The following ZBTB25 variants were observed in gnomAD, a reference collection of about 807,000 sequenced individuals.
ZBTB25 encodes the protein zinc finger and BTB domain-containing protein 25.
ZBTB25 carries 20 observed loss-of-function variants against 34.2 expected under a neutral mutation model. The ratio of observed to expected loss-of-function variants is 0.58; its 90% confidence interval spans 0.41 to 0.85. The LOEUF is 0.85. Among genes scored for constraint, ZBTB25 ranks in the 40% least tolerant of loss-of-function variants. The probability of loss-of-function intolerance (pLI) is 0.00; values close to 1 mark genes in which losing one functional copy is unlikely to be tolerated. For missense variants in ZBTB25, 437 were observed against 521.8 expected (o/e 0.84, Z 1.58); for synonymous variants, 175 against 186.4 (o/e 0.94, Z 0.50).
intron 2 of ZBTB25, chr14:64,453,689 T>C (rs775615790): frequency 1.1e-6 from 1 of 940,726 alleles, no homozygotes; most frequent in South Asian, 1.4e-5. Flanking sequence ...AATGTGGCTA[T>C]GTCCTGGTTA....
Position 64,479,515 on chromosome 14 carries a change from G to A in ZBTB25, c.*7408C>T, listed in dbSNP as rs2078754872. The A allele has an allele frequency of 6.6e-6, 1 of 152,306 alleles. No homozygotes were observed. Among genetic ancestry groups the A allele is most frequent in the Non-Finnish European group, 1.5e-5 (1 of 68,092 alleles). The allele number at this position is 152,306 out of a possible 1,614,324, so 9.4% of individuals were successfully genotyped here. A position where few individuals can be genotyped will look rare whatever the true frequency, so the allele number is the denominator to read the frequency against. On this transcript the variant is annotated 3_prime_UTR_variant, in exon 3 of 3. Transcript: ENST00000608382. ...CAAACATTATTCTGGGTGTGTCCGT[G>A]AGGGTGTTCTGGAGGGAGACAAAAT... is the stretch of plus-strand genomic sequence containing the variant.
rs947695461 is a variant in ZBTB25, at chr14:64,502,587, C to A, written c.-8+1074G>T. 18 of 973,482 alleles carry A rather than the reference C, an allele frequency of 1.8e-5. No individual in the cohort carries two copies. The South Asian group carries it at 7.6e-4, about 41-fold the overall frequency. The allele number at this position is 973,482 out of a possible 1,614,324, so 60.3% of individuals were successfully genotyped here. A position where few individuals can be genotyped will look rare whatever the true frequency, so the allele number is the denominator to read the frequency against. ...GGCCTACCTCACCTAGAAATACCATCAAACCCACACAGTGGCCATGCCTGA... is the reference window on the plus strand; with the variant it reads ...GGCCTACCTCACCTAGAAATACCATAAAACCCACACAGTGGCCATGCCTGA... On this transcript the variant is annotated intron_variant, in intron 1 of 2. Coordinates refer to ENST00000608382, the MANE Select transcript of ZBTB25 (RefSeq NM_006977.5).
chr14:64,490,583 T>C, intron 1 of ZBTB25, 43 bp from the exon 2 acceptor site: 2 of 1,444,996 alleles, frequency 1.4e-6, no homozygotes, highest in Non-Finnish European at 1.8e-6. Context: ...TGTGTATGTA[T>C]ATACGCATTA....
chr14:64,484,830 C>T lies in ZBTB25; in HGVS notation c.*2093G>A, dbSNP rs1241958225. ...TTAACTAGCCTAAAATACAAAAAAT[C>T]AATGTTAATACTTGTGTTCTTCCAA... On this transcript the variant is annotated 3_prime_UTR_variant, in exon 3 of 3. Transcript: ENST00000608382. 1 of 182,562 alleles carries T rather than the reference C, an allele frequency of 5.5e-6. No individual in the cohort carries two copies. Among genetic ancestry groups the T allele is most frequent in the Non-Finnish European group, 1.0e-5 (1 of 96,060 alleles). 11.3% of individuals were successfully genotyped at this position (182,562 alleles called of 1,614,324 possible).
chr14:64,501,554 A>G (rs1392710061), intron 1 of ZBTB25, among the ~76,000 whole-genome samples: 1 of 152,266 alleles, frequency 6.6e-6, no homozygotes, highest in Non-Finnish European at 1.5e-5. Context: ...ACTTATCAAG[A>G]TAAGAGCACC....
chr14:64,499,509 T>A (rs1478851352), intron 1 of ZBTB25: 5 of 150,928 alleles, frequency 3.3e-5, no homozygotes, highest in African/African-American at 7.3e-5. Flanking sequence ...GAGGTTGTGG[T>A]GAGCTGAGAT....
At chr14:64,458,138 C>T in intron 2 of ZBTB25, 5 of 1,157,856 alleles carry the variant, frequency 4.3e-6, no homozygotes, top group Non-Finnish European at 5.2e-6. Context: ...TGATCCTCTC[C>T]ACCTCAGCCT....
chr14:64,465,369 G>C (rs868603489), intron 2 of ZBTB25: 11 of 152,022 alleles, frequency 7.2e-5, no homozygotes, highest in African/African-American at 1.9e-4. Flanking sequence ...GGTGGGTCCC[G>C]GCGCCCGCGC....
rs1036355457 is a variant in ZBTB25 at position 64,485,083 on chromosome 14, A to G, written c.*1840T>C. The G allele has an allele frequency of 3.0e-6, 3 of 985,488 alleles. No homozygotes were observed. Among genetic ancestry groups the G allele is most frequent in the Non-Finnish European group, 3.6e-6 (3 of 829,954 alleles). The allele number at this position is 985,488 out of a possible 1,614,324, so 61.0% of individuals were successfully genotyped here. On this transcript the variant is annotated 3_prime_UTR_variant, in exon 3 of 3. Coordinates refer to ENST00000608382, the MANE Select transcript of ZBTB25 (RefSeq NM_006977.5). ...AGGCAGAAACTCAACTGCCTTACAC[A>G]ATATCCAGTAGCTTTCTTCATTCAA...
chr14:64,504,261 CGG>C (rs200908965), upstream of ZBTB25, among the ~76,000 whole-genome samples: 1 of 101,174 alleles, frequency 9.9e-6, no homozygotes, highest in Non-Finnish European at 2.1e-5. Flanking sequence ...AAGGTGGGGT[CGG>C]GGGGGCGCGG....
At chr14:64,451,249 T>C (rs1379285926) in intron 2 of ZBTB25, among the ~76,000 whole-genome samples, 1 of 152,190 alleles carries the variant, frequency 6.6e-6, no homozygotes, top group African/African-American at 2.4e-5. Flanking sequence ...CTCGAACTCC[T>C]GGGTTCAAGT....
At chr14:64,463,079 T>C (rs2078571166) in intron 2 of ZBTB25, 1 of 152,192 alleles carries the variant, frequency 6.6e-6, no homozygotes, top group Non-Finnish European at 1.5e-5. Flanking sequence ...CAGAAATACA[T>C]TTATAGCCTA....
At chr14:64,502,318 C>T (rs1418085305) in intron 1 of ZBTB25, among the ~76,000 whole-genome samples, 1 of 152,202 alleles carries the variant, frequency 6.6e-6, no homozygotes, top group Non-Finnish European at 1.5e-5. Flanking sequence ...CACTGACTGC[C>T]AGCTCTCAGA....
chr14:64,464,256 C>G (rs2078587299), intron 2 of ZBTB25, among the ~76,000 whole-genome samples: 1 of 141,834 alleles, frequency 7.1e-6, no homozygotes, highest in Non-Finnish European at 1.6e-5. Context: ...GTCTCAAACT[C>G]TTGGACTCAA....
chr14:64,459,633 G>T, intron 2 of ZBTB25: 1 of 753,380 alleles, frequency 1.3e-6, no homozygotes, highest in Non-Finnish European at 2.1e-6. Flanking sequence ...AAGAGCTGGT[G>T]GCAGGAAAGG....
intron 2 of ZBTB25, chr14:64,470,270 G>A (rs867670806): frequency 6.0e-6 from 1 of 167,064 alleles, no homozygotes; most frequent in African/African-American, 2.4e-5. Context: ...TTAAACGTGA[G>A]TGGTTTCCTA....
chr14:64,469,773 T>C, intron 2 of ZBTB25: 1 of 905,916 alleles, frequency 1.1e-6, no homozygotes, highest in Admixed American at 2.9e-5. Context: ...ATGAGAGATT[T>C]ATCATCTCTA....
chr14:64,488,960 A>G (rs1444001392), intron 2 of ZBTB25, among the ~76,000 whole-genome samples: 1 of 152,238 alleles, frequency 6.6e-6, no homozygotes, highest in Non-Finnish European at 1.5e-5. Context: ...GAACCTATTG[A>G]AATCAGCAGG....
intron 2 of ZBTB25, chr14:64,460,182 GAC>G: frequency 4.8e-6 from 2 of 414,484 alleles, no homozygotes; most frequent in Non-Finnish European, 8.6e-6. Flanking sequence ...TTTCTGAGAG[GAC>G]ACATAATTCA....
Sources: allele counts gnomAD v4.1 joint callset (sites outside exome capture counted in the v4.1 genomes callset), GRCh38; gene constraint gnomAD v4.1.1; transcripts MANE v1.5; gene names NCBI Gene and HGNC (gene_info 2026-07-23, HGNC 2026-07-21).